Variants in ACACA observed in about 807,000 individuals in gnomAD.
ACACA encodes acetyl-CoA carboxylase 1.
In ACACA, 103 loss-of-function variants were observed where a neutral mutation model predicts 296.1. The ratio of observed to expected loss-of-function variants is 0.35; its 90% CI spans 0.30 to 0.41. The LOEUF (loss-of-function observed/expected upper bound fraction) is 0.41. Among genes scored for constraint, ACACA ranks in the 10% least tolerant of loss-of-function variants. ACACA has a pLI of 1.00. For synonymous variants in ACACA, 953 were observed against 1,038.6 expected, an observed-to-expected ratio of 0.92 and a Z score of 1.58; for missense variants, 1,554 against 2,989.7, an observed-to-expected ratio of 0.52 and a Z score of 11.20.
chr17:37,368,890 T>C (rs539757010), intron 1 of ACACA, among the ~76,000 whole-genome samples: 2 of 152,246 alleles, frequency 1.3e-5, no homozygotes, highest in African/African-American at 4.8e-5. Flanking sequence ...GGACAATCCC[T>C]TAGAAAACAG....
At position 37,268,741 on chromosome 17, in the gene ACACA, CTATATATA is replaced by C. The variant is rs71368449; in HGVS notation, c.1119+2002_1119+2009del. ...TCTATCTATCTATCTATCTATCTAT[CTATATATA>C]TATATATATATATATATATCTGGTT... On this transcript the variant is annotated intron_variant, in intron 10 of 55. Transcript: ENST00000616317. Among the ~76,000 whole-genome samples, 386 of 94,506 alleles carry C rather than the reference CTATATATA, an allele frequency of 4.1e-3. 2 individuals are homozygous for C. In the South Asian group the frequency reaches 0.044, roughly 11 times the overall value. The allele number at this position is 94,506 out of a possible 152,430, so 62.0% of individuals were successfully genotyped here.
chr17:37,292,128 T>C (rs968101908), intron 3 of ACACA, among the ~76,000 whole-genome samples: 7 of 152,136 alleles, frequency 4.6e-5, no homozygotes, highest in African/African-American at 1.7e-4. Flanking sequence ...ATAGGTAATT[T>C]TAAAGAGGGT....
chr17:37,361,437 C>T (rs564633818), intron 1 of ACACA, among the ~76,000 whole-genome samples: 1 of 152,144 alleles, frequency 6.6e-6, no homozygotes, highest in South Asian at 2.1e-4. Flanking sequence ...TTCAGCCAGC[C>T]CCTGCATGTC....
intron 14 of ACACA, among the ~76,000 whole-genome samples, chr17:37,255,842 G>A (rs963143960): frequency 7.9e-5 from 12 of 152,162 alleles, no homozygotes; most frequent in Admixed American, 3.3e-4. Flanking sequence ...AGCCTCCTGG[G>A]TTCCAGTGAT....
In ACACA at chr17:37,177,269, C is replaced by CGTGT. The variant is rs112439511; in HGVS notation, c.5079+1987_5079+1990dup. On this transcript the variant is annotated intron_variant, in intron 41 of 55. Coordinates refer to ENST00000616317, the MANE Select transcript of ACACA (RefSeq NM_198834.3). ...AAAAACCTTTAATTTTTAAAAAATT[C>CGTGT]GTGTGTGTGTGTGTGTGTGTGTGTG... 7.1e-3 allele frequency among the ~76,000 whole-genome samples: 1,040 copies of CGTGT among 146,510 alleles called. 10 individuals carry two copies. The highest frequency in any genetic ancestry group is 0.017 in the African/African-American group (683 of 39,928).
intron 14 of ACACA, among the ~76,000 whole-genome samples, chr17:37,256,040 C>T (rs2146173548): frequency 6.6e-6 from 1 of 152,230 alleles, no homozygotes; most frequent in South Asian, 2.1e-4. Context: ...AGCCACCGTG[C>T]CCAGGCAAAA....
intron 11 of ACACA, among the ~76,000 whole-genome samples, chr17:37,262,728 C>T (rs1228633323): frequency 6.6e-6 from 1 of 151,902 alleles, no homozygotes; most frequent in Non-Finnish European, 1.5e-5. Context: ...CCGTATTTTG[C>T]TTATTTATTT....
chr17:37,120,047 C>T (rs1270488904), intron 50 of ACACA, among the ~76,000 whole-genome samples: 2 of 151,526 alleles, frequency 1.3e-5, no homozygotes, highest in Non-Finnish European at 2.9e-5. Flanking sequence ...GCATGCACCA[C>T]CCCATCTGGC....
intron 39 of ACACA, among the ~76,000 whole-genome samples, chr17:37,181,951 T>A (rs1598092634): frequency 7.4e-6 from 1 of 135,288 alleles, no homozygotes; most frequent in Non-Finnish European, 1.6e-5. Flanking sequence ...GAAAGCACGG[T>A]GCACATTTCG....
intron 29 of ACACA, among the ~76,000 whole-genome samples, chr17:37,219,676 CAT>C (rs1205529673): frequency 3.4e-5 from 5 of 148,204 alleles, no homozygotes; most frequent in South Asian, 2.1e-4. Context: ...ATATAAAAAA[CAT>C]ATTTTTCATA....
At position 37,191,854 on chromosome 17, in the gene ACACA, T is replaced by C. The variant is rs569321510; in HGVS notation, c.4416+236A>G. 2.0e-5 allele frequency among the ~76,000 whole-genome samples: 3 copies of C among 152,198 alleles called. No individual in the cohort carries two copies. In the East Asian group the frequency reaches 5.8e-4, roughly 29 times the overall value. On this transcript the variant is annotated intron_variant, in intron 37 of 55. Coordinates refer to ENST00000616317, the MANE Select transcript of ACACA (RefSeq NM_198834.3). Reference sequence around the variant, plus strand: ...AATTAAAGTGGAAAAAGAGCCTTCATTTTTTATTTTTTTTCAGATGCACTT... The same window carrying C: ...AATTAAAGTGGAAAAAGAGCCTTCACTTTTTATTTTTTTTCAGATGCACTT...
In ACACA at chr17:37,210,751, CAAAAAAAAA is replaced by C. The variant is rs57591064; in HGVS notation, c.3684-270_3684-262del. ...TGGATTTTAAAAATAGCTCTATTAC[CAAAAAAAAA>C]AAAAAAAAAAAAAAAAATTTAGAGT... On this transcript the variant is annotated intron_variant, in intron 29 of 55. Coordinates refer to ENST00000616317, the MANE Select transcript of ACACA (RefSeq NM_198834.3). 3.0e-3 allele frequency among the ~76,000 whole-genome samples: 218 copies of C among 72,418 alleles called. 5 individuals are homozygous for C. The highest frequency in any genetic ancestry group is 0.014 in the Admixed American group (95 of 6,738). 47.5% of individuals were successfully genotyped at this position (72,418 alleles called of 152,430 possible). A position where few individuals can be genotyped will look rare whatever the true frequency, so the allele number is the denominator to read the frequency against.
In ACACA at chr17:37,161,804, C is replaced by G. The variant is rs764212602; in HGVS notation, c.5326G>C (p.Val1776Leu). ...EIRHMFHVAWVDPEDPYKGYR... is the reference protein window; with the variant it reads ...EIRHMFHVAWLDPEDPYKGYR... ...ACCTTGTAAGGATCCTCAGGATCTA[C>G]CCAGGCCACATGAAACATATGGCGA... Residue 1776 changes from valine to leucine, a missense_variant, in exon 42 of 56, where the codon GTA (valine) becomes CTA (leucine). Coordinates refer to ENST00000616317, the MANE Select transcript of ACACA (RefSeq NM_198834.3). The G allele has an allele frequency of 2.5e-6, 4 of 1,612,740 alleles. No homozygotes were observed. The highest frequency in any genetic ancestry group is 2.5e-6 in the Non-Finnish European group (3 of 1,179,982).
At chr17:37,136,229 T>A (rs375737192) in intron 45 of ACACA, among the ~76,000 whole-genome samples, 16 of 152,188 alleles carry the variant, frequency 1.1e-4, no homozygotes, top group African/African-American at 3.9e-4. Context: ...CTTCCCTCCC[T>A]CCACCCCTAA....
intron 1 of ACACA, chr17:37,368,817 G>A (rs1224960731): frequency 6.6e-6 from 1 of 152,092 alleles, no homozygotes; most frequent in Admixed American, 6.6e-5. Flanking sequence ...AGATTCTTTG[G>A]CCCCTTTGGC....
chr17:37,288,819 A>T (rs1435612757), intron 3 of ACACA, among the ~76,000 whole-genome samples: 1 of 152,054 alleles, frequency 6.6e-6, no homozygotes, highest in Admixed American at 6.6e-5. Flanking sequence ...GAATCACTTG[A>T]GCCAGGAAGA....
intron 3 of ACACA, among the ~76,000 whole-genome samples, chr17:37,317,976 A>G (rs1287052389): frequency 6.6e-6 from 1 of 152,178 alleles, no homozygotes; most frequent in Non-Finnish European, 1.5e-5. Flanking sequence ...CAAAGGCACC[A>G]TGGCAACTGG....
intron 54 of ACACA, among the ~76,000 whole-genome samples, chr17:37,093,830 C>T (rs2072804417): frequency 6.6e-6 from 1 of 152,196 alleles, no homozygotes; most frequent in Non-Finnish European, 1.5e-5. Context: ...TTATTTAAAA[C>T]TCACTGAACC....
At chr17:37,302,357 C>A (rs983298742) in intron 3 of ACACA, among the ~76,000 whole-genome samples, 1 of 152,080 alleles carries the variant, frequency 6.6e-6, no homozygotes, top group African/African-American at 2.4e-5. Flanking sequence ...TTACAGGTGA[C>A]TGCCACCATG....
Sources: gnomAD v4.1 joint callset for allele counts (sites outside exome capture counted in the v4.1 genomes callset) on GRCh38, gnomAD v4.1.1 for gene constraint, MANE v1.5 for transcripts, NCBI Gene and HGNC (gene_info 2026-07-23, HGNC 2026-07-21) for gene names.